The following DTHD1 variants were observed in gnomAD, a reference collection of about 807,000 sequenced individuals.
DTHD1 encodes the protein death domain-containing protein 1.
In DTHD1, 59 loss-of-function variants were observed where a neutral mutation model predicts 74.8. The observed-to-expected ratio is 0.79, with a 90% CI of 0.64 to 0.98. The LOEUF (loss-of-function observed/expected upper bound fraction) is 0.98, where lower values mean the gene tolerates loss of function less well. Among genes scored for constraint, DTHD1 ranks in the 50% least tolerant of loss-of-function variants. The probability of loss-of-function intolerance (pLI) is 0.00; values close to 1 mark genes in which losing one functional copy is unlikely to be tolerated. For missense variants in DTHD1, 1,051 were observed against 1,065.4 expected (o/e 0.99, Z 0.19); for synonymous variants, 365 against 371.1 (o/e 0.98, Z 0.19).
At chr4:36,288,487 G>C (rs1360009224) in intron 2 of DTHD1, among the ~76,000 whole-genome samples, 2 of 152,288 alleles carry the variant, frequency 1.3e-5, no homozygotes, top group Non-Finnish European at 2.9e-5. Context: ...TTTTGTATAA[G>C]GTGAGAAACG....
chr4:36,282,919 C>T (rs999105075), intron 1 of DTHD1, among the ~76,000 whole-genome samples: 1 of 151,912 alleles, frequency 6.6e-6, no homozygotes, highest in Admixed American at 6.6e-5. Context: ...ATATAACAAG[C>T]AAATATATAT....
intron 8 of DTHD1, among the ~76,000 whole-genome samples, chr4:36,331,096 T>A (rs1428947816): frequency 6.6e-6 from 1 of 152,160 alleles, no homozygotes; most frequent in African/African-American, 2.4e-5. Context: ...ATTGTTGTGA[T>A]GTCTGTGTAG....
intron 5 of DTHD1, among the ~76,000 whole-genome samples, chr4:36,302,956 A>C (rs1756858321): frequency 6.6e-6 from 1 of 152,228 alleles, no homozygotes; most frequent in African/African-American, 2.4e-5. Flanking sequence ...TACAATATAG[A>C]ATGAGAATTT....
chr4:36,342,263 G>A (rs1212327118), intron 9 of DTHD1, among the ~76,000 whole-genome samples: 1 of 152,182 alleles, frequency 6.6e-6, no homozygotes, highest in Non-Finnish European at 1.5e-5. Flanking sequence ...ACAAGGAAGT[G>A]CTGGCCCCTT....
At chr4:36,339,987 C>G (rs1464666701) in intron 9 of DTHD1, among the ~76,000 whole-genome samples, 1 of 152,194 alleles carries the variant, frequency 6.6e-6, no homozygotes, top group Non-Finnish European at 1.5e-5. Flanking sequence ...ATGCTGTTAA[C>G]CTTTGAAGAA....
intron 4 of DTHD1, 119 bp downstream of exon 4, chr4:36,293,824 G>A (rs1560789671): frequency 5.6e-6 from 5 of 892,810 alleles, no homozygotes; most frequent in Middle Eastern, 3.6e-4. Context: ...TTATTTTCTT[G>A]TAGTTGTAAC....
At chr4:36,331,206 TA>T (rs1364481350) in intron 8 of DTHD1, among the ~76,000 whole-genome samples, 2 of 152,060 alleles carry the variant, frequency 1.3e-5, no homozygotes, top group African/African-American at 4.8e-5. Context: ...CTATATGCAA[TA>T]AATGAGCTCA....
chr4:36,296,289 G>T lies in DTHD1; in HGVS notation c.1643+1250G>T, dbSNP rs537112146. Among the ~76,000 whole-genome samples, 8 of 152,128 alleles carry T rather than the reference G, an allele frequency of 5.3e-5. No homozygotes were observed. The East Asian group carries it at 1.5e-3, about 29-fold the overall frequency. ...TTTTGTTTTGTTTTTAAATACAAGGGCTCTCAGAATGGACTACTCACATGC... is the reference window on the plus strand; with the variant it reads ...TTTTGTTTTGTTTTTAAATACAAGGTCTCTCAGAATGGACTACTCACATGC... On this transcript the variant is annotated intron_variant, in intron 5 of 9. Transcript: ENST00000639862.
At chr4:36,323,897 T>C (rs1758181060) in intron 8 of DTHD1, among the ~76,000 whole-genome samples, 1 of 152,178 alleles carries the variant, frequency 6.6e-6, no homozygotes, top group Admixed American at 6.5e-5. Flanking sequence ...GAAGGATGGA[T>C]GGAGAAGGGA....
chr4:36,287,802 C>T (rs1330901897), intron 2 of DTHD1, among the ~76,000 whole-genome samples: 1 of 152,164 alleles, frequency 6.6e-6, no homozygotes, highest in Non-Finnish European at 1.5e-5. Context: ...ATTGTTTATA[C>T]ATGTCCTTAG....
intron 8 of DTHD1, chr4:36,333,701 A>G (rs12331547): frequency 0.72 from 110,254 of 152,148 alleles, 40,753 homozygotes; most frequent in African/African-American, 0.86. Flanking sequence ...GAGGAAAACT[A>G]AAGGACAGGT....
intron 5 of DTHD1, among the ~76,000 whole-genome samples, chr4:36,304,879 T>C (rs1482220369): frequency 6.6e-6 from 1 of 152,232 alleles, no homozygotes; most frequent in Non-Finnish European, 1.5e-5. Context: ...TTCTGCTTAT[T>C]AATTTTCATT....
At chr4:36,337,456 T>C (rs1476909380) in intron 8 of DTHD1, among the ~76,000 whole-genome samples, 1 of 152,178 alleles carries the variant, frequency 6.6e-6, no homozygotes, top group Non-Finnish European at 1.5e-5. Context: ...ACTACTGATA[T>C]AAAGAAAAGT....
At chr4:36,325,038 A>C (rs1030003051) in intron 8 of DTHD1, among the ~76,000 whole-genome samples, 11 of 152,174 alleles carry the variant, frequency 7.2e-5, no homozygotes, top group Non-Finnish European at 1.3e-4. Flanking sequence ...ACGTGTTCCG[A>C]GAAAGGATGA....
rs1013119178 is a variant in DTHD1 at position 36,316,365 on chromosome 4, G to T, written c.2219G>T (p.Gly740Val). The stretch of plus-strand genomic sequence containing the variant: ...AACTATAGTTGCCCTCATTACAAAG[G>T]CACCATTGTCGTTTATAAAGTACCT... ...FGNYSCPHYK[G>V]TIVVYKVPKG... Residue 740 changes from glycine (G) to valine (V), a missense_variant, in exon 8 of 10, where the codon GGC becomes GTC. Physicochemically the swap from Gly to Val is moderately radical, Grantham distance 109 (BLOSUM62 -3). Coordinates refer to ENST00000639862, the MANE Select transcript of DTHD1 (RefSeq NM_001170700.3). 1.0e-5 allele frequency: 16 copies of T among 1,551,994 alleles called. No individual in the cohort carries two copies. Among genetic ancestry groups the T allele is most frequent in the East Asian group, 2.4e-5 (1 of 40,922 alleles).
intron 7 of DTHD1, among the ~76,000 whole-genome samples, chr4:36,312,058 T>G (rs1757441377): frequency 6.6e-6 from 1 of 152,118 alleles, no homozygotes; most frequent in Admixed American, 6.5e-5. Context: ...TTTATGACGG[T>G]TTTTGGCATT....
rs116771020 is a variant in DTHD1 at position 36,302,225 on chromosome 4, C to T, written c.1644-3966C>T. Among the ~76,000 whole-genome samples the T allele has an allele frequency of 1.5e-3, 234 of 152,294 alleles. 1 individual carries two copies. The highest frequency in any genetic ancestry group is 5.5e-3 in the African/African-American group (228 of 41,548). ...GGCATTGCATCAGATCATGGGGGAT[C>T]TTCCGTTTTCAATAGCAGTGAGGCA... On this transcript the variant is annotated intron_variant, in intron 5 of 9. Transcript: ENST00000639862.
At chr4:36,327,992 A>G (rs1278776543) in intron 8 of DTHD1, among the ~76,000 whole-genome samples, 2 of 152,200 alleles carry the variant, frequency 1.3e-5, no homozygotes, top group African/African-American at 2.4e-5. Flanking sequence ...AAAAAACTAT[A>G]AAGAGATTGA....
At chr4:36,311,687 T>A (rs1381559632) in intron 7 of DTHD1, 5 of 152,192 alleles carry the variant, frequency 3.3e-5, no homozygotes, top group African/African-American at 9.6e-5. Context: ...TGCCAGTTTC[T>A]CCTACCATGG....
Sources: allele counts gnomAD v4.1 joint callset (sites outside exome capture counted in the v4.1 genomes callset), GRCh38; gene constraint gnomAD v4.1.1; transcripts MANE v1.5; gene names NCBI Gene and HGNC (gene_info 2026-07-23, HGNC 2026-07-21).